The following IFI16 variants were observed in gnomAD, a reference collection of about 807,000 sequenced individuals.
IFI16 encodes the protein interferon gamma inducible protein 16, also known as gamma-interferon-inducible protein 16.
IFI16 carries 49 observed loss-of-function variants against 68.4 expected under a neutral mutation model. The observed-to-expected ratio is 0.72, with a 90% CI of 0.57 to 0.91. The LOEUF (loss-of-function observed/expected upper bound fraction) is 0.91, where lower values mean the gene tolerates loss of function less well. IFI16 is among the 40% of genes least tolerant of loss of function. The pLI is 0.00. For missense variants in IFI16, 878 were observed against 942.9 expected (o/e 0.93, Z 0.90); for synonymous variants, 307 against 315.0 (o/e 0.97, Z 0.27).
At chr1:159,018,769 C>G (rs1653106436) in intron 5 of IFI16, 118 bp downstream of exon 5, 2 of 718,824 alleles carry the variant, frequency 2.8e-6, no homozygotes, top group East Asian at 5.1e-5. Context: ...ACTCTGAAGA[C>G]TAATGACAGG....
intron 6 of IFI16, among the ~76,000 whole-genome samples, chr1:159,024,302 G>A (rs1482883807): frequency 1.3e-5 from 2 of 152,076 alleles, no homozygotes; most frequent in African/African-American, 4.8e-5. Flanking sequence ...GGAATAATGC[G>A]TGTTTTAAAA....
intron 7 of IFI16, among the ~76,000 whole-genome samples, chr1:159,036,201 G>A (rs1206315091): frequency 6.6e-6 from 1 of 152,164 alleles, no homozygotes; most frequent in Non-Finnish European, 1.5e-5. Flanking sequence ...TATTCTTTAT[G>A]TATATTGTTG....
intron 6 of IFI16, among the ~76,000 whole-genome samples, chr1:159,029,747 C>T (rs1418002707): frequency 2.0e-5 from 3 of 149,890 alleles, no homozygotes; most frequent in Non-Finnish European, 4.4e-5. Context: ...ATGGGGCGAT[C>T]TCGGAACACT....
chr1:159,014,999 A>G, intron 2 of IFI16, 54 bp downstream of exon 2: 1 of 1,478,594 alleles, frequency 6.8e-7, no homozygotes, highest in Non-Finnish European at 9.1e-7. Context: ...AACCCTCCCC[A>G]ACATTGATTA....
chr1:159,007,708 T>G (rs888928368), upstream of IFI16, among the ~76,000 whole-genome samples: 2 of 150,986 alleles, frequency 1.3e-5, no homozygotes, highest in African/African-American at 4.9e-5. Flanking sequence ...CAGAGAGTGC[T>G]CTCTCTCTCT....
At chr1:159,038,594 T>C (rs934338123) in intron 7 of IFI16, among the ~76,000 whole-genome samples, 1 of 152,110 alleles carries the variant, frequency 6.6e-6, no homozygotes, top group Non-Finnish European at 1.5e-5. Context: ...CTTGAACTCT[T>C]GGCCTCAAGT....
At position 159,018,494 on chromosome 1, in the gene IFI16, A is replaced by T; in HGVS notation, c.815A>T (p.Glu272Val). The T allele has an allele frequency of 6.2e-7, 1 of 1,614,098 alleles. No homozygotes were observed. Among genetic ancestry groups the T allele is most frequent in the Middle Eastern group, 1.6e-4 (1 of 6,062 alleles). Reference sequence around the variant, plus strand: ...TATTTGGAATATGATAGTCTCCTAGAGGTCAATGAAGAATCTACTGTATCT... The same window carrying T: ...TATTTGGAATATGATAGTCTCCTAGTGGTCAATGAAGAATCTACTGTATCT... ...SDYLEYDSLL[E>V]VNEESTVSEA... Residue 272 changes from glutamate to valine, a missense_variant, in exon 5 of 12, where the codon GAG becomes GTG. By Grantham distance (121) the Glu-to-Val change is moderately radical (BLOSUM62 -2). Coordinates refer to ENST00000295809, the MANE Select transcript of IFI16 (RefSeq NM_001376587.1).
intron 7 of IFI16, among the ~76,000 whole-genome samples, chr1:159,044,975 C>A (rs1654887969): frequency 2.0e-5 from 3 of 151,900 alleles, no homozygotes; most frequent in Non-Finnish European, 4.4e-5. Context: ...TTATTGCAAG[C>A]CATGCTGCCC....
intron 6 of IFI16, among the ~76,000 whole-genome samples, chr1:159,024,041 C>T (rs1364659293): frequency 2.0e-5 from 3 of 152,124 alleles, no homozygotes; most frequent in Non-Finnish European, 2.9e-5. Flanking sequence ...GGAGACCGTC[C>T]GAGTGGAAAG....
chr1:159,022,105 A>G (rs1653368794), intron 6 of IFI16, among the ~76,000 whole-genome samples: 1 of 151,774 alleles, frequency 6.6e-6, no homozygotes, highest in African/African-American at 2.4e-5. Flanking sequence ...CTGGGACTAC[A>G]GGCGCCCGCC....
chr1:159,027,222 G>T (rs1448030995), intron 6 of IFI16, among the ~76,000 whole-genome samples: 1 of 152,016 alleles, frequency 6.6e-6, no homozygotes, highest in Non-Finnish European at 1.5e-5. Flanking sequence ...ATTGCTGAGG[G>T]TTTTAATCAT....
chr1:159,013,653 T>G (rs856065), intron 1 of IFI16, among the ~76,000 whole-genome samples: 141,688 of 152,252 alleles, frequency 0.93, 66,777 homozygotes, highest in East Asian at 1. Context: ...AAATCTACCA[T>G]GAGACAAAGC....
intron 5 of IFI16, among the ~76,000 whole-genome samples, chr1:159,020,081 C>T (rs1201987407): frequency 6.6e-6 from 1 of 152,036 alleles, no homozygotes; most frequent in Non-Finnish European, 1.5e-5. Flanking sequence ...GCAAAGCTGC[C>T]CTGTAGGTGA....
chr1:159,006,396 A>G (rs1353527605), upstream of IFI16, among the ~76,000 whole-genome samples: 2 of 152,194 alleles, frequency 1.3e-5, no homozygotes, highest in South Asian at 2.1e-4. Flanking sequence ...TTTCATTGTA[A>G]TTAGATATAG....
At position 159,053,665 on chromosome 1, in the gene IFI16, T is replaced by C. The variant is rs147710671; in HGVS notation, c.2218T>C (p.Leu740=). The C allele has an allele frequency of 1.2e-4, 197 of 1,613,862 alleles. No individual in the cohort carries two copies. Among genetic ancestry groups the C allele is most frequent in the Admixed American group, 1.2e-4 (7 of 59,988 alleles). The change falls in exon 11 of 12, where the codon TTG becomes CTG. Residue 740 remains leucine, a synonymous_variant. Transcript: ENST00000295809. ...TAAACTGAAACTCACCTGCTTTGAA[T>C]TGGCACCGAAAAGTGGGAATACCGG... ...GDKLKLTCFE[L]APKSGNTGEL...
rs767302596 is a variant in IFI16 at position 159,018,344 on chromosome 1, A to G, written c.665A>G (p.Glu222Gly). 1.9e-6 allele frequency: 3 copies of G among 1,614,216 alleles called. No individual in the cohort carries two copies. Among genetic ancestry groups the G allele is most frequent in the Non-Finnish European group, 2.5e-6 (3 of 1,180,026 alleles). ...AAGCCATTTGAATATGAGACCCCAG[A>G]AATGGAGAAAAAAATAATGTTTCAT... ...TTKPFEYETPEMEKKIMFHAT... is the reference protein window; with the variant it reads ...TTKPFEYETPGMEKKIMFHAT... The change falls in exon 5 of 12, where the codon GAA becomes GGA. Residue 222 changes from glutamate to glycine, a missense_variant. Physicochemically the swap from Glu to Gly is moderately conservative, Grantham distance 98. Around this residue, in one of 4 missense-constraint regions of IFI16, gnomAD observed 443 missense variants for 421.8 expected, o/e 1.05. Transcript: ENST00000295809.
intron 10 of IFI16, chr1:159,052,851 ACTT>A (rs1655447892): frequency 2.0e-5 from 3 of 152,132 alleles, no homozygotes; most frequent in African/African-American, 7.2e-5. Flanking sequence ...AGCTGATTTA[ACTT>A]CTTGTTTGAA....
chr1:159,038,184 A>G (rs1040779300), intron 7 of IFI16, among the ~76,000 whole-genome samples: 3 of 152,198 alleles, frequency 2.0e-5, no homozygotes, highest in Non-Finnish European at 4.4e-5. Context: ...AAATTCTGTC[A>G]TATATCCATA....
upstream of IFI16, among the ~76,000 whole-genome samples, chr1:159,008,259 A>G (rs564487365): frequency 1.3e-5 from 2 of 152,338 alleles, no homozygotes; most frequent in East Asian, 3.9e-4. Flanking sequence ...CATAATTTAT[A>G]TATATGTATA....
Sources: allele counts gnomAD v4.1 joint callset (sites outside exome capture counted in the v4.1 genomes callset), GRCh38; gene constraint gnomAD v4.1.1; regional missense constraint gnomAD v4.1.1; transcripts MANE v1.5; gene names NCBI Gene and HGNC (gene_info 2026-07-23, HGNC 2026-07-21).